The following MED27 variants were observed in gnomAD, a reference collection of about 807,000 sequenced individuals.
The protein encoded by MED27 is mediator complex subunit 27.
A neutral mutation model predicts 38.2 loss-of-function variants in MED27; 30 were observed. The ratio of observed to expected loss-of-function variants is 0.79; its 90% CI spans 0.59 to 1.07. The LOEUF (loss-of-function observed/expected upper bound fraction) is 1.07, where lower values mean the gene tolerates loss of function less well. MED27 is among the 50% of genes least tolerant of loss of function. The pLI is 0.00. For missense variants in MED27, 289 were observed against 397.5 expected (o/e 0.73, Z 2.32); for synonymous variants, 122 against 153.5 (o/e 0.79, Z 1.52).
chr9:132,060,691 G>A (rs976568624), intron 2 of MED27, among the ~76,000 whole-genome samples: 12 of 152,356 alleles, frequency 7.9e-5, no homozygotes, highest in African/African-American at 2.4e-4. Flanking sequence ...GCTCATGCCT[G>A]TAATCCCAGC....
chr9:131,993,100 G>A (rs1318397890), intron 3 of MED27, among the ~76,000 whole-genome samples: 3 of 152,146 alleles, frequency 2.0e-5, no homozygotes, highest in Non-Finnish European at 2.9e-5. Flanking sequence ...TATGCAGGAT[G>A]TTCCAAATCC....
chr9:131,977,789 C>T (rs970564320), intron 3 of MED27, among the ~76,000 whole-genome samples: 4 of 152,278 alleles, frequency 2.6e-5, no homozygotes, highest in Admixed American at 2.6e-4. Flanking sequence ...GCTAGACAAC[C>T]AGCTCTATTC....
At chr9:131,877,337 A>G (rs1232318475) in intron 6 of MED27, among the ~76,000 whole-genome samples, 3 of 152,168 alleles carry the variant, frequency 2.0e-5, no homozygotes, top group African/African-American at 7.2e-5. Context: ...AGGCTGAGAC[A>G]GGTGGATCAT....
Position 131,883,881 on chromosome 9 carries a change from C to T in MED27, c.723+177G>A. On this transcript the variant is annotated intron_variant, in intron 6 of 7. Coordinates refer to ENST00000292035, the MANE Select transcript of MED27 (RefSeq NM_004269.4). The surrounding 1 kb of genome is among the most constrained non-coding windows in gnomAD (Gnocchi z 4.2). ...GGCAACCACGGATCTGATTTCTGTC[C>T]CTAAGGTTTTGTTTTTTTCCAGAAT... 1 of 585,642 alleles carries T rather than the reference C, an allele frequency of 1.7e-6. No individual in the cohort carries two copies. The highest frequency in any genetic ancestry group is 3.4e-5 in the Admixed American group (1 of 29,812). 36.3% of individuals were successfully genotyped at this position (585,642 alleles called of 1,614,324 possible).
At chr9:132,033,006 C>T (rs779857320) in intron 2 of MED27, among the ~76,000 whole-genome samples, 1 of 152,202 alleles carries the variant, frequency 6.6e-6, no homozygotes, top group Non-Finnish European at 1.5e-5. Context: ...TTCTTATCCA[C>T]AATTGGTCTG....
chr9:131,900,547 G>A (rs1220820034), intron 4 of MED27, among the ~76,000 whole-genome samples: 1 of 152,174 alleles, frequency 6.6e-6, no homozygotes, highest in African/African-American at 2.4e-5. Flanking sequence ...CAGAACTCGT[G>A]TAGGGGGAAA....
chr9:132,077,593 A>G lies in MED27; in HGVS notation c.204-7T>C, dbSNP rs775158940. ...GCTCAGACGTTCCAGCTCACTGAAAAGCAAAGAGACAAGGCAAATAAACCT... is the reference window on the plus strand; with the variant it reads ...GCTCAGACGTTCCAGCTCACTGAAAGGCAAAGAGACAAGGCAAATAAACCT... On this transcript the variant is annotated splice_region_variant and splice_polypyrimidine_tract_variant and intron_variant, in intron 1 of 7. Transcript: ENST00000292035. 2 of 1,614,156 alleles carry G rather than the reference A, an allele frequency of 1.2e-6. No individual in the cohort carries two copies. Among genetic ancestry groups the G allele is most frequent in the South Asian group, 2.2e-5 (2 of 91,074 alleles).
intron 4 of MED27, among the ~76,000 whole-genome samples, chr9:131,936,339 C>T (rs1248150187): frequency 6.6e-6 from 1 of 152,140 alleles, no homozygotes; most frequent in Non-Finnish European, 1.5e-5. Flanking sequence ...GTCAGATGAG[C>T]ACAGTTGGTG....
At chr9:131,975,602 A>G (rs1269968840) in intron 3 of MED27, among the ~76,000 whole-genome samples, 2 of 152,244 alleles carry the variant, frequency 1.3e-5, no homozygotes, top group Non-Finnish European at 2.9e-5. Flanking sequence ...CTATACTGCC[A>G]TTAGCGCTGG....
chr9:131,991,976 C>T (rs1287172572), intron 3 of MED27, among the ~76,000 whole-genome samples: 1 of 152,188 alleles, frequency 6.6e-6, no homozygotes. Context: ...CTGCCTCAGC[C>T]TCCCAAAGTG....
At chr9:132,078,184 G>A (rs1016794053) in intron 1 of MED27, among the ~76,000 whole-genome samples, 1 of 152,108 alleles carries the variant, frequency 6.6e-6, no homozygotes, top group Non-Finnish European at 1.5e-5. Flanking sequence ...TTGGGAAAGC[G>A]AGCCAACAAG....
At chr9:131,896,313 T>A (rs1333799601) in intron 4 of MED27, among the ~76,000 whole-genome samples, 1 of 152,228 alleles carries the variant, frequency 6.6e-6, no homozygotes, top group Admixed American at 6.5e-5. Context: ...CCACTGTTTG[T>A]AACTGCACAT....
intron 2 of MED27, among the ~76,000 whole-genome samples, chr9:132,069,066 A>G (rs750607261): frequency 6.6e-6 from 1 of 152,230 alleles, no homozygotes; most frequent in Non-Finnish European, 1.5e-5. Flanking sequence ...CTTTCTATTC[A>G]ACATTCCTGG....
chr9:131,946,867 C>T (rs928903011), intron 3 of MED27, among the ~76,000 whole-genome samples: 10 of 152,338 alleles, frequency 6.6e-5, no homozygotes, highest in African/African-American at 1.4e-4. Flanking sequence ...CAGGGAAGTA[C>T]GGTCTCACAC....
At chr9:132,052,503 C>T (rs1296128179) in intron 2 of MED27, among the ~76,000 whole-genome samples, 1 of 152,160 alleles carries the variant, frequency 6.6e-6, no homozygotes, top group African/African-American at 2.4e-5. Flanking sequence ...CCCAGCCAAA[C>T]ACAGGTGCAG....
intron 3 of MED27, among the ~76,000 whole-genome samples, chr9:131,976,170 C>A (rs913375416): frequency 3.3e-5 from 5 of 152,142 alleles, no homozygotes; most frequent in African/African-American, 1.2e-4. Flanking sequence ...TTCAAAGACA[C>A]CTCGGGACTT....
At chr9:131,927,553 C>A (rs1411043599) in intron 4 of MED27, among the ~76,000 whole-genome samples, 2 of 152,194 alleles carry the variant, frequency 1.3e-5, no homozygotes, top group Non-Finnish European at 2.9e-5. Flanking sequence ...TCCTCTCACC[C>A]CATCTCCTCT....
At chr9:131,970,301 G>C (rs1831447501) in intron 3 of MED27, among the ~76,000 whole-genome samples, 1 of 152,240 alleles carries the variant, frequency 6.6e-6, no homozygotes. Flanking sequence ...AAGGAGGGTG[G>C]GCTGTCCAGG....
intron 2 of MED27, among the ~76,000 whole-genome samples, chr9:132,063,703 T>G: frequency 6.6e-6 from 1 of 152,180 alleles, no homozygotes; most frequent in East Asian, 1.9e-4. Flanking sequence ...CTATCCAAAC[T>G]GAGTGTGAAG....
Sources: allele counts gnomAD v4.1 joint callset (sites outside exome capture counted in the v4.1 genomes callset), GRCh38; gene constraint gnomAD v4.1.1; non-coding constraint Gnocchi (gnomAD v3.1); transcripts MANE v1.5; gene names NCBI Gene and HGNC (gene_info 2026-07-23, HGNC 2026-07-21).